The following TSGA10 variants were observed in gnomAD, a reference collection of about 807,000 sequenced individuals.
TSGA10 encodes testis-specific gene 10 protein.
Under a neutral mutation model 96.6 loss-of-function variants are expected in TSGA10, and 43 were observed. That is an observed-to-expected ratio of 0.44 (90% confidence interval 0.35 to 0.57). TSGA10 has a LOEUF of 0.57. TSGA10 is among the 20% of genes least tolerant of loss of function. The pLI, the probability that TSGA10 is intolerant of heterozygous loss-of-function variation, is 0.01. For synonymous variants in TSGA10, 229 were observed against 269.9 expected (o/e 0.85, Z 1.48); for missense variants, 703 against 834.4 (o/e 0.84, Z 1.94).
chr2:99,032,263 T>C (rs2081203551), intron 17 of TSGA10, among the ~76,000 whole-genome samples: 1 of 152,038 alleles, frequency 6.6e-6, no homozygotes, highest in South Asian at 2.1e-4. Context: ...ATAGCCAAAA[T>C]GAGTAAAAAA....
At chr2:99,068,350 T>TTAGTAAATATGTCTATTTA (rs2085509288) in intron 15 of TSGA10, among the ~76,000 whole-genome samples, 1 of 152,176 alleles carries the variant, frequency 6.6e-6, no homozygotes, top group Non-Finnish European at 1.5e-5. Flanking sequence ...AATAGACATA[T>TTAGTAAATATGTCTATTTA]CTAAAATCCT....
At chr2:99,112,471 G>T (rs1405668438) in intron 4 of TSGA10, among the ~76,000 whole-genome samples, 2 of 152,040 alleles carry the variant, frequency 1.3e-5, no homozygotes, top group Non-Finnish European at 2.9e-5. Flanking sequence ...AGAAAAAGAA[G>T]AGCAGAGTTA....
intron 2 of TSGA10, chr2:99,126,191 T>C (rs554209334): frequency 1.9e-4 from 29 of 152,692 alleles, no homozygotes; most frequent in African/African-American, 6.3e-4. Flanking sequence ...GCGTGGAAAG[T>C]GTAGGCTCTT....
chr2:99,090,375 A>T (rs1227295602), intron 10 of TSGA10, among the ~76,000 whole-genome samples: 1 of 152,152 alleles, frequency 6.6e-6, no homozygotes, highest in East Asian at 1.9e-4. Context: ...ACCCTCAAAA[A>T]ATCACACTAG....
At chr2:99,016,199 G>C (rs1295409118) in intron 20 of TSGA10, among the ~76,000 whole-genome samples, 2 of 152,028 alleles carry the variant, frequency 1.3e-5, no homozygotes, top group East Asian at 3.9e-4. Context: ...GCAAGACTAA[G>C]CAAAAAGAAC....
chr2:99,127,891 T>G (rs753809765), intron 1 of TSGA10, among the ~76,000 whole-genome samples: 8 of 152,196 alleles, frequency 5.3e-5, no homozygotes, highest in Non-Finnish European at 1.0e-4. Context: ...TTCTAGAAAT[T>G]TATACTACAG....
At chr2:99,150,453 T>C (rs1463982521) in intron 1 of TSGA10, 1 of 1,284,410 alleles carries the variant, frequency 7.8e-7, no homozygotes, top group Non-Finnish European at 1.1e-6. Context: ...TCCTGCTGCA[T>C]TCACTTGTTA....
At chr2:99,005,160 C>T (rs953091898) in intron 20 of TSGA10, among the ~76,000 whole-genome samples, 6 of 152,114 alleles carry the variant, frequency 3.9e-5, no homozygotes, top group South Asian at 2.1e-4. Flanking sequence ...ATAAGAGCTA[C>T]TTATGACAAA....
intron 10 of TSGA10, among the ~76,000 whole-genome samples, chr2:99,090,381 A>C (rs1329042031): frequency 6.6e-6 from 1 of 152,138 alleles, no homozygotes; most frequent in Admixed American, 6.5e-5. Context: ...AAAAAATCAC[A>C]CTAGCTCACC....
At chr2:99,053,848 G>A (rs539782816) in intron 16 of TSGA10, among the ~76,000 whole-genome samples, 139 of 151,982 alleles carry the variant, frequency 9.1e-4, no homozygotes, top group South Asian at 2.3e-3. Flanking sequence ...TATGTTCACC[G>A]AAAACTATAA....
At chr2:99,000,536 G>A (rs537215507) in intron 20 of TSGA10, among the ~76,000 whole-genome samples, 5 of 150,918 alleles carry the variant, frequency 3.3e-5, no homozygotes, top group Admixed American at 1.3e-4. Context: ...AAAGGGGATC[G>A]TTCCAAGATG....
intron 10 of TSGA10, among the ~76,000 whole-genome samples, chr2:99,103,370 C>T (rs1014330764): frequency 2.0e-5 from 3 of 152,146 alleles, no homozygotes; most frequent in Non-Finnish European, 4.4e-5. Flanking sequence ...GCAACAGATA[C>T]TAAAAGTAAA....
intron 10 of TSGA10, among the ~76,000 whole-genome samples, chr2:99,083,147 T>G (rs559617835): frequency 6.6e-6 from 1 of 152,114 alleles, no homozygotes; most frequent in African/African-American, 2.4e-5. Flanking sequence ...AAGACAATAT[T>G]CAACAAAATA....
At chr2:99,000,978 A>G (rs1240323390) in intron 20 of TSGA10, among the ~76,000 whole-genome samples, 4 of 152,190 alleles carry the variant, frequency 2.6e-5, no homozygotes, top group Non-Finnish European at 5.9e-5. Flanking sequence ...TGGAAGCTCG[A>G]ACCGGGTGGA....
At chr2:99,083,888 G>A (rs2087878613) in intron 10 of TSGA10, among the ~76,000 whole-genome samples, 1 of 152,170 alleles carries the variant, frequency 6.6e-6, no homozygotes, top group African/African-American at 2.4e-5. Context: ...TGTCTTGAAT[G>A]TGGTAGTAGT....
In TSGA10 at chr2:99,117,595, T is replaced by G; in HGVS notation, c.-191A>C. The G allele has an allele frequency of 1.0e-6, 1 of 985,864 alleles. No individual in the cohort carries two copies. Among genetic ancestry groups the G allele is most frequent in the Non-Finnish European group, 1.2e-6 (1 of 829,928 alleles). 61.1% of individuals were successfully genotyped at this position (985,864 alleles called of 1,614,324 possible). ...CGGAATCCACCACAAAATTTTTCTC[T>G]TTTTCGAGTTGCTCTGCTAGTTGGT... is the stretch of plus-strand genomic sequence containing the variant. On this transcript the variant is annotated 5_prime_UTR_variant, in exon 4 of 21. Coordinates refer to ENST00000393483, the MANE Select transcript of TSGA10 (RefSeq NM_025244.4).
At chr2:99,081,209 G>T in intron 11 of TSGA10, 73 bp downstream of exon 11, 1 of 798,490 alleles carries the variant, frequency 1.3e-6, no homozygotes, top group Non-Finnish European at 2.0e-6. Context: ...ATGTTATACT[G>T]AAGAGAAGAA....
At chr2:99,123,926 G>A (rs2092701450) in intron 2 of TSGA10, among the ~76,000 whole-genome samples, 2 of 152,190 alleles carry the variant, frequency 1.3e-5, no homozygotes, top group African/African-American at 4.8e-5. Context: ...TGTGAATAAT[G>A]CTGCTATGAG....
chr2:99,056,240 C>A (rs1428714966), intron 16 of TSGA10, among the ~76,000 whole-genome samples: 1 of 151,726 alleles, frequency 6.6e-6, no homozygotes, highest in Non-Finnish European at 1.5e-5. Context: ...TCAACACAAC[C>A]AAGTAACCAA....
Sources: allele counts gnomAD v4.1 joint callset (sites outside exome capture counted in the v4.1 genomes callset), GRCh38; gene constraint gnomAD v4.1.1; transcripts MANE v1.5; gene names NCBI Gene and HGNC (gene_info 2026-07-23, HGNC 2026-07-21).